The following TMEM63C variants were observed in gnomAD, a reference collection of about 807,000 sequenced individuals.
TMEM63C encodes the protein osmosensitive cation channel TMEM63C.
In TMEM63C, 32 loss-of-function variants were observed where a neutral mutation model predicts 99.2. That is an observed-to-expected ratio of 0.32 (90% CI 0.24 to 0.43). TMEM63C has a LOEUF of 0.43. TMEM63C is among the 20% of genes least tolerant of loss of function. TMEM63C has a pLI of 1.00. For synonymous variants in TMEM63C, 376 were observed against 397.9 expected (o/e 0.94, Z 0.66); for missense variants, 826 against 1,053.0 (o/e 0.78, Z 2.98).
chr14:77,182,973 A>G (rs1887939148), intron 1 of TMEM63C, among the ~76,000 whole-genome samples: 1 of 152,118 alleles, frequency 6.6e-6, no homozygotes, highest in Non-Finnish European at 1.5e-5. Context: ...ACCCTCTGTT[A>G]TCACCTTATC....
At chr14:77,255,211 G>A (rs1376837693) in intron 23 of TMEM63C, among the ~76,000 whole-genome samples, 7 of 152,142 alleles carry the variant, frequency 4.6e-5, no homozygotes, top group African/African-American at 7.2e-5. Flanking sequence ...GGCTGGTCTC[G>A]AACTTCTGAC....
At chr14:77,232,168 G>A (rs1353474445) in intron 7 of TMEM63C, among the ~76,000 whole-genome samples, 1 of 152,160 alleles carries the variant, frequency 6.6e-6, no homozygotes, top group Non-Finnish European at 1.5e-5. Flanking sequence ...ACAGCATTGT[G>A]GATGAGACCT....
chr14:77,186,732 T>A (rs1488204307), intron 1 of TMEM63C, among the ~76,000 whole-genome samples: 1 of 150,710 alleles, frequency 6.6e-6, no homozygotes, highest in African/African-American at 2.4e-5. Flanking sequence ...GCTTCTCACA[T>A]CCCTGAGGAC....
At position 77,218,982 on chromosome 14, in the gene TMEM63C, A is replaced by G; in HGVS notation, c.150+19A>G. The G allele has an allele frequency of 6.5e-7, 1 of 1,534,126 alleles. No homozygotes were observed. Among genetic ancestry groups the G allele is most frequent in the Non-Finnish European group, 8.8e-7 (1 of 1,140,674 alleles). Reference sequence around the variant, plus strand: ...GTGGGTGGTGAGTCCTGGGCACTGCAGGAGGCAGACAGTAAAGCCTCAGAC... The same window carrying G: ...GTGGGTGGTGAGTCCTGGGCACTGCGGGAGGCAGACAGTAAAGCCTCAGAC... On this transcript the variant is annotated intron_variant, in intron 3 of 23. Coordinates refer to ENST00000298351, the MANE Select transcript of TMEM63C (RefSeq NM_020431.4).
intron 6 of TMEM63C, among the ~76,000 whole-genome samples, chr14:77,229,950 A>G (rs1279210852): frequency 6.6e-6 from 1 of 152,092 alleles, no homozygotes; most frequent in South Asian, 2.1e-4. Flanking sequence ...CTGTAATCCA[A>G]GCACTTTGGG....
chr14:77,233,368 C>A (rs544890356), intron 7 of TMEM63C, 84 bp from the exon 8 acceptor site: 3 of 1,399,098 alleles, frequency 2.1e-6, no homozygotes, highest in African/African-American at 1.4e-5. Context: ...CCAGACCCCA[C>A]GCATTTGTCC....
chr14:77,217,780 C>A (rs2110909), intron 2 of TMEM63C, among the ~76,000 whole-genome samples: 1 of 152,122 alleles, frequency 6.6e-6, no homozygotes, highest in Non-Finnish European at 1.5e-5. Flanking sequence ...CTGGGCAGGT[C>A]CTGGTCTCCC....
chr14:77,219,942 C>A, intron 4 of TMEM63C, 64 bp from the exon 5 acceptor site: 1 of 1,464,594 alleles, frequency 6.8e-7, no homozygotes, highest in East Asian at 2.5e-5. Flanking sequence ...GGGGAGGGAG[C>A]AGGGCAGGCA....
intron 6 of TMEM63C, among the ~76,000 whole-genome samples, chr14:77,226,766 GAT>G (rs1491153862): frequency 1.9e-4 from 17 of 90,344 alleles, no homozygotes; most frequent in African/African-American, 4.1e-4. Flanking sequence ...GATCAGTTGG[GAT>G]TTTTTTTTTT....
At chr14:77,232,118 T>C (rs1365545356) in intron 7 of TMEM63C, among the ~76,000 whole-genome samples, 1 of 152,160 alleles carries the variant, frequency 6.6e-6, no homozygotes, top group Non-Finnish European at 1.5e-5. Context: ...GTAGGACCTC[T>C]ACTCCCACTC....
At chr14:77,234,790 G>A (rs1029614448) in intron 8 of TMEM63C, among the ~76,000 whole-genome samples, 7 of 152,156 alleles carry the variant, frequency 4.6e-5, no homozygotes, top group Non-Finnish European at 2.9e-5. Context: ...CAAGTGCCAC[G>A]ACTCTCCTAC....
intron 13 of TMEM63C, among the ~76,000 whole-genome samples, chr14:77,240,907 G>A (rs1238003386): frequency 1.3e-5 from 2 of 150,618 alleles, no homozygotes; most frequent in African/African-American, 2.4e-5. Context: ...CCCTTGACAA[G>A]AATGACATCC....
chr14:77,239,354 A>T, intron 10 of TMEM63C, 58 bp from the exon 11 acceptor site: 1 of 1,546,110 alleles, frequency 6.5e-7, no homozygotes, highest in Non-Finnish European at 8.9e-7. Flanking sequence ...GGCAGGGGGT[A>T]GGGGCAGCAC....
chr14:77,256,454 G>A, intron 23 of TMEM63C, 72 bp from the exon 24 acceptor site: 2 of 1,474,482 alleles, frequency 1.4e-6, no homozygotes, highest in South Asian at 2.3e-5. Context: ...TGGGGCATGA[G>A]GGGAGAGGGT....
rs1887920655 is a variant in TMEM63C at position 77,181,910 on chromosome 14, T to G, written c.-77+16T>G. 6.6e-6 allele frequency: 1 copy of G among 152,002 alleles called. No individual in the cohort carries two copies. The highest frequency in any genetic ancestry group is 1.5e-5 in the Non-Finnish European group (1 of 68,050). The allele number at this position is 152,002 out of a possible 1,614,324, so 9.4% of individuals were successfully genotyped here. A position where few individuals can be genotyped will look rare whatever the true frequency, so the allele number is the denominator to read the frequency against. On this transcript the variant is annotated intron_variant, in intron 1 of 23. Coordinates refer to ENST00000298351, the MANE Select transcript of TMEM63C (RefSeq NM_020431.4). ...GGACGCAAATGTGGTGAGCACGCGA[T>G]GCGGGTGCGGTGACCGGGGCTGGTC...
chr14:77,182,301 C>G (rs1357402978), intron 1 of TMEM63C, among the ~76,000 whole-genome samples: 1 of 152,140 alleles, frequency 6.6e-6, no homozygotes, highest in Non-Finnish European at 1.5e-5. Flanking sequence ...ACTCTCTGGG[C>G]TGGGACGGGA....
In TMEM63C at chr14:77,220,905, G is replaced by C. The variant is rs958103392; in HGVS notation, c.312+818G>C. On this transcript the variant is annotated intron_variant, in intron 5 of 23. Transcript: ENST00000298351. Reference sequence around the variant, plus strand: ...ACGCCCCGCCTCCCACTCACGCCCCGCCTCCCACTCACGCCTCCTCTCCCA... The same window carrying C: ...ACGCCCCGCCTCCCACTCACGCCCCCCCTCCCACTCACGCCTCCTCTCCCA... Among the ~76,000 whole-genome samples the C allele has an allele frequency of 2.3e-3, 16 of 6,848 alleles. 1 individual carries two copies. Among genetic ancestry groups the C allele is most frequent in the East Asian group, 6.2e-3 (2 of 322 alleles). 4.5% of individuals were successfully genotyped at this position (6,848 alleles called of 152,430 possible).
Position 77,220,002 on chromosome 14 carries a change from G to C in TMEM63C, c.231-4G>C. Reference sequence around the variant, plus strand: ...TACCTCCCTGCCCCTTCCCTGGCTGGCAGCCTGACCTCGCTGATCTATGGG... The same window carrying C: ...TACCTCCCTGCCCCTTCCCTGGCTGCCAGCCTGACCTCGCTGATCTATGGG... On this transcript the variant is annotated splice_region_variant and splice_polypyrimidine_tract_variant and intron_variant, in intron 4 of 23. Transcript: ENST00000298351. 1 of 1,556,550 alleles carries C rather than the reference G, an allele frequency of 6.4e-7. No homozygotes were observed. The highest frequency in any genetic ancestry group is 8.7e-7 in the Non-Finnish European group (1 of 1,149,876).
chr14:77,226,197 G>A (rs34303205), intron 6 of TMEM63C, among the ~76,000 whole-genome samples: 26,921 of 152,012 alleles, frequency 0.18, 2,626 homozygotes, highest in Non-Finnish European at 0.22. Flanking sequence ...CTCTCCCTCA[G>A]TGTGCTCCAC....
Sources: gnomAD v4.1 joint callset for allele counts (sites outside exome capture counted in the v4.1 genomes callset) on GRCh38, gnomAD v4.1.1 for gene constraint, MANE v1.5 for transcripts, NCBI Gene and HGNC (gene_info 2026-07-23, HGNC 2026-07-21) for gene names.